RERE: variants seen among roughly 807,000 people sequenced by gnomAD.
RERE encodes the protein arginine-glutamic acid dipeptide repeats protein.
In RERE, 40 loss-of-function variants were observed where a neutral mutation model predicts 146.1. The observed-to-expected ratio is 0.27, with a 90% CI of 0.21 to 0.36. The LOEUF (loss-of-function observed/expected upper bound fraction) is 0.36, where lower values mean the gene tolerates loss of function less well. Ranked by LOEUF, RERE falls within the 10% of genes least tolerant of loss-of-function variation. The probability of loss-of-function intolerance (pLI) is 1.00; values close to 1 mark genes in which losing one functional copy is unlikely to be tolerated. For synonymous variants in RERE, 1,003 were observed against 866.0 expected (o/e 1.16, Z -2.78); for missense variants, 1,933 against 2,138.7 (o/e 0.90, Z 1.90).
In RERE at chr1:8,589,864, C is replaced by T. The variant is rs1007477929; in HGVS notation, c.522+24697G>A. 6.6e-5 allele frequency among the ~76,000 whole-genome samples: 10 copies of T among 152,202 alleles called. 1 individual carries two copies. Among genetic ancestry groups the T allele is most frequent in the Admixed American group, 5.9e-4 (9 of 15,280 alleles). ...ACAGAAACTGGTTCCGACCACGAAT[C>T]GAATTCCTCAAACCCTCATATAAAC... On this transcript the variant is annotated intron_variant, in intron 4 of 22. Transcript: ENST00000400908.
chr1:8,420,362 G>A (rs966125041), intron 12 of RERE, among the ~76,000 whole-genome samples: 2 of 152,270 alleles, frequency 1.3e-5, no homozygotes, highest in Non-Finnish European at 2.9e-5. Flanking sequence ...GCTATCAAAA[G>A]GGGCATGACT....
chr1:8,578,816 G>C (rs1265648216), intron 4 of RERE, among the ~76,000 whole-genome samples: 2 of 152,192 alleles, frequency 1.3e-5, no homozygotes, highest in East Asian at 1.9e-4. Context: ...CTCAGAGCTA[G>C]AGACATCTGC....
chr1:8,427,868 C>T (rs962239370), intron 11 of RERE, among the ~76,000 whole-genome samples: 5 of 152,156 alleles, frequency 3.3e-5, no homozygotes, highest in African/African-American at 9.7e-5. Context: ...ACTTCTGTTG[C>T]GGCTGTCTCC....
At chr1:8,633,293 G>A (rs1220206451) in intron 2 of RERE, among the ~76,000 whole-genome samples, 1 of 151,624 alleles carries the variant, frequency 6.6e-6, no homozygotes. Context: ...CACGGTGGCA[G>A]GCACCTGCAG....
chr1:8,409,911 TCTAAGTGTCGAAATGG>T (rs1643564697), intron 12 of RERE, among the ~76,000 whole-genome samples: 2 of 151,904 alleles, frequency 1.3e-5, no homozygotes, highest in African/African-American at 4.8e-5. Context: ...TCAGGTCCAT[TCTAAGTGTCGAAATGG>T]TGTAATTAAT....
intron 4 of RERE, among the ~76,000 whole-genome samples, chr1:8,574,705 TC>T: frequency 6.6e-6 from 1 of 152,168 alleles, no homozygotes; most frequent in Admixed American, 6.5e-5. Flanking sequence ...TTCATTCCCT[TC>T]ATATACGAAG....
intron 4 of RERE, among the ~76,000 whole-genome samples, chr1:8,597,978 C>G (rs1444908994): frequency 6.6e-6 from 1 of 152,072 alleles, no homozygotes; most frequent in Non-Finnish European, 1.5e-5. Context: ...CTCAGTGGTT[C>G]TGCATTTCTT....
chr1:8,371,745 G>A (rs1219848997), intron 12 of RERE, among the ~76,000 whole-genome samples: 1 of 152,238 alleles, frequency 6.6e-6, no homozygotes. Context: ...AATCTGGGCT[G>A]GAGCAACAGG....
intron 1 of RERE, among the ~76,000 whole-genome samples, chr1:8,744,881 C>A (rs911071422): frequency 1.3e-5 from 2 of 152,118 alleles, no homozygotes; most frequent in Non-Finnish European, 2.9e-5. Context: ...TTCAAAATCA[C>A]CTAGACCCAA....
intron 1 of RERE, among the ~76,000 whole-genome samples, chr1:8,691,303 T>C (rs796820064): frequency 3.9e-5 from 6 of 152,330 alleles, no homozygotes; most frequent in African/African-American, 1.4e-4. Flanking sequence ...TGGTTTTTTT[T>C]GGTACTAAGA....
intron 3 of RERE, among the ~76,000 whole-genome samples, chr1:8,617,638 G>T (rs1315853579): frequency 6.6e-6 from 1 of 152,150 alleles, no homozygotes; most frequent in Non-Finnish European, 1.5e-5. Flanking sequence ...TTGAAGGACT[G>T]TCAAAAACAA....
intron 1 of RERE, among the ~76,000 whole-genome samples, chr1:8,660,558 A>G (rs1434235770): frequency 2.0e-5 from 3 of 152,228 alleles, no homozygotes; most frequent in Non-Finnish European, 2.9e-5. Flanking sequence ...ATGGGCACGA[A>G]GTAGGATTCC....
rs761609705 is a variant in RERE at position 8,401,069 on chromosome 1, A to ATATATATATATATATG, written c.1284+21657_1284+21658insCATATATATATATATA. On this transcript the variant is annotated intron_variant, in intron 12 of 22. Coordinates refer to ENST00000400908, the MANE Select transcript of RERE (RefSeq NM_001042681.2). ...TATATATATATATATATATATATAT[A>ATATATATATATATATG]TATGTCACTTAATAGTTTTTGGGAG... Among the ~76,000 whole-genome samples, 236 of 84,994 alleles carry ATATATATATATATATG rather than the reference A, an allele frequency of 2.8e-3. 1 individual carries two copies. The highest frequency in any genetic ancestry group is 0.013 in the Middle Eastern group (1 of 78). The allele number at this position is 84,994 out of a possible 152,430, so 55.8% of individuals were successfully genotyped here.
chr1:8,587,147 C>T lies in RERE; in HGVS notation c.522+27414G>A, dbSNP rs145166782. ...CACACATCAAACAGCAAGTCGAAAACCAGGAAGTCTTCAATTGTCCTCTAT... is the reference window on the plus strand; with the variant it reads ...CACACATCAAACAGCAAGTCGAAAATCAGGAAGTCTTCAATTGTCCTCTAT... On this transcript the variant is annotated intron_variant, in intron 4 of 22. Transcript: ENST00000400908. Among the ~76,000 whole-genome samples, 58 of 152,204 alleles carry T rather than the reference C, an allele frequency of 3.8e-4. No individual in the cohort carries two copies. The East Asian group carries it at 5.4e-3, about 14-fold the overall frequency.
At chr1:8,641,566 G>C (rs1373949274) in intron 2 of RERE, among the ~76,000 whole-genome samples, 4 of 152,146 alleles carry the variant, frequency 2.6e-5, no homozygotes, top group African/African-American at 4.8e-5. Flanking sequence ...ACTGATTTTA[G>C]CATCTGGCTT....
At chr1:8,475,373 TAAA>T (rs70990569) in intron 10 of RERE, among the ~76,000 whole-genome samples, 4 of 137,032 alleles carry the variant, frequency 2.9e-5, no homozygotes, top group Non-Finnish European at 3.1e-5. Context: ...GATTCTGTCT[TAAA>T]AAAAAAAAAA....
chr1:8,706,214 G>A (rs1639558794), intron 1 of RERE, among the ~76,000 whole-genome samples: 2 of 151,936 alleles, frequency 1.3e-5, no homozygotes, highest in Non-Finnish European at 2.9e-5. Flanking sequence ...AGCCGCTCAG[G>A]AGGCTGAGAC....
intron 12 of RERE, among the ~76,000 whole-genome samples, chr1:8,401,588 C>T (rs574645113): frequency 6.6e-6 from 1 of 151,998 alleles, no homozygotes; most frequent in Non-Finnish European, 1.5e-5. Context: ...AGAGAGCCCT[C>T]ATTTCTACAA....
intron 11 of RERE, among the ~76,000 whole-genome samples, chr1:8,462,360 A>T (rs1644537920): frequency 6.6e-6 from 1 of 152,242 alleles, no homozygotes; most frequent in African/African-American, 2.4e-5. Flanking sequence ...AGAGCTGGGG[A>T]TCAGAAGTCA....
Sources: gnomAD v4.1 joint callset for allele counts (sites outside exome capture counted in the v4.1 genomes callset) on GRCh38, gnomAD v4.1.1 for gene constraint, MANE v1.5 for transcripts, NCBI Gene and HGNC (gene_info 2026-07-23, HGNC 2026-07-21) for gene names.